The following CDH4 variants were observed in gnomAD, a reference collection of about 807,000 sequenced individuals.
CDH4 encodes the protein cadherin-4.
Under a neutral mutation model 86.0 loss-of-function variants are expected in CDH4, and 33 were observed. That is an observed-to-expected ratio of 0.38 (90% CI 0.29 to 0.51). The LOEUF (loss-of-function observed/expected upper bound fraction) is 0.51. Among genes scored for constraint, CDH4 ranks in the 20% least tolerant of loss-of-function variants. The pLI, the probability that CDH4 is intolerant of heterozygous loss-of-function variation, is 0.86. For synonymous variants in CDH4, 555 were observed against 549.4 expected, an observed-to-expected ratio of 1.01 and a Z score of -0.14; for missense variants, 1,114 against 1,307.4, an observed-to-expected ratio of 0.85 and a Z score of 2.28.
chr20:61,405,328 G>A, intron 2 of CDH4, among the ~76,000 whole-genome samples: 1 of 151,770 alleles, frequency 6.6e-6, no homozygotes, highest in East Asian at 1.9e-4. Context: ...CACGCTAGTA[G>A]ACATATATCC....
At chr20:61,596,156 G>A (rs1043738235) in intron 2 of CDH4, among the ~76,000 whole-genome samples, 10 of 152,168 alleles carry the variant, frequency 6.6e-5, no homozygotes, top group Non-Finnish European at 1.5e-4. Flanking sequence ...TTCAGTGCTG[G>A]GATAAAGTAT....
In CDH4 at chr20:61,653,678, G is replaced by A. The variant is rs1476334783; in HGVS notation, c.170-89885G>A. Among the ~76,000 whole-genome samples, 159 of 114,332 alleles carry A rather than the reference G, an allele frequency of 1.4e-3. 21 individuals carry two copies. Among genetic ancestry groups the A allele is most frequent in the African/African-American group, 3.8e-3 (133 of 34,620 alleles). The allele number at this position is 114,332 out of a possible 152,430, so 75.0% of individuals were successfully genotyped here. On this transcript the variant is annotated intron_variant, in intron 2 of 15. Coordinates refer to ENST00000614565, the MANE Select transcript of CDH4 (RefSeq NM_001794.5). ...TCCTCACTTCTCAGACAGGGCGGCC[G>A]GGCAGAGACGCTCCTCACCTCCCAG... is the stretch of plus-strand genomic sequence containing the variant.
chr20:61,482,595 C>G (rs1178455229), intron 2 of CDH4, among the ~76,000 whole-genome samples: 3 of 152,132 alleles, frequency 2.0e-5, no homozygotes, highest in Non-Finnish European at 4.4e-5. Flanking sequence ...TTTGCCCTTC[C>G]TCTCCTACCC....
intron 3 of CDH4, among the ~76,000 whole-genome samples, chr20:61,747,700 C>G (rs1312215212): frequency 6.6e-6 from 1 of 151,956 alleles, no homozygotes; most frequent in African/African-American, 2.4e-5. Context: ...CAAAATATAT[C>G]AAAAACATTC....
chr20:61,936,403 T>C (rs1305650565), intron 15 of CDH4, among the ~76,000 whole-genome samples: 4 of 512 alleles, frequency 7.8e-3, no homozygotes, highest in Admixed American at 0.042. Flanking sequence ...CCACACCCCC[T>C]CCCCCCTCTC....
At chr20:61,733,777 G>A (rs2088226773) in intron 2 of CDH4, among the ~76,000 whole-genome samples, 1 of 152,182 alleles carries the variant, frequency 6.6e-6, no homozygotes, top group Non-Finnish European at 1.5e-5. Flanking sequence ...GAACCTGAGG[G>A]TTTGAAACTC....
intron 2 of CDH4, among the ~76,000 whole-genome samples, chr20:61,698,101 C>T (rs939227998): frequency 1.3e-5 from 2 of 152,250 alleles, no homozygotes; most frequent in Non-Finnish European, 2.9e-5. Context: ...CCATTAGCCG[C>T]ACGTTGCTGG....
chr20:61,635,891 G>A (rs1329659366), intron 2 of CDH4, among the ~76,000 whole-genome samples: 1 of 152,158 alleles, frequency 6.6e-6, no homozygotes, highest in Non-Finnish European at 1.5e-5. Context: ...CACAGGCCTC[G>A]AAGCTTTGGA....
At chr20:61,522,941 G>T (rs1436120662) in intron 2 of CDH4, among the ~76,000 whole-genome samples, 1 of 152,210 alleles carries the variant, frequency 6.6e-6, no homozygotes, top group African/African-American at 2.4e-5. Context: ...CTGCCGACAC[G>T]CAGGTGCATC....
At chr20:61,707,305 C>T (rs554443495) in intron 2 of CDH4, among the ~76,000 whole-genome samples, 121 of 152,368 alleles carry the variant, frequency 7.9e-4, no homozygotes, top group Non-Finnish European at 1.4e-3. Flanking sequence ...CAAGGAAAGG[C>T]CCAACTCTGC....
At position 61,289,465 on chromosome 20, in the gene CDH4, G is replaced by A. The variant is rs192144962; in HGVS notation, c.169+34528G>A. 1.4e-3 allele frequency among the ~76,000 whole-genome samples: 211 copies of A among 152,340 alleles called. 1 individual carries two copies. The highest frequency in any genetic ancestry group is 1.0e-2 in the Admixed American group (153 of 15,306). On this transcript the variant is annotated intron_variant, in intron 2 of 15. Coordinates refer to ENST00000614565, the MANE Select transcript of CDH4 (RefSeq NM_001794.5). ...GCCACCAGCGCATGCCAACAGTAAG[G>A]GGTACGGGGTGTCGCCAGCCTGCAG...
At chr20:61,654,898 G>T (rs758496453) in intron 2 of CDH4, among the ~76,000 whole-genome samples, 1 of 62,136 alleles carries the variant, frequency 1.6e-5, no homozygotes, top group African/African-American at 4.1e-5. Flanking sequence ...ACCCAGCCCC[G>T]CTCTGGACAG....
At chr20:61,843,687 TAAAAAAA>T (rs67518472) in intron 4 of CDH4, among the ~76,000 whole-genome samples, 59,860 of 140,830 alleles carry the variant, frequency 0.43, 14,623 homozygotes, top group Non-Finnish European at 0.58. Flanking sequence ...GACCTGTCTC[TAAAAAAA>T]AAAAAAAAAA....
chr20:61,592,809 C>T (rs577169784), intron 2 of CDH4, among the ~76,000 whole-genome samples: 1 of 152,276 alleles, frequency 6.6e-6, no homozygotes, highest in East Asian at 1.9e-4. Context: ...GTTTTTATTG[C>T]AGAATCACTT....
intron 2 of CDH4, among the ~76,000 whole-genome samples, chr20:61,422,576 G>A (rs1026423231): frequency 1.2e-4 from 18 of 151,834 alleles, no homozygotes; most frequent in African/African-American, 3.9e-4. Context: ...AAGGGTGCAT[G>A]CCAGAAATTC....
intron 2 of CDH4, among the ~76,000 whole-genome samples, chr20:61,443,706 C>T (rs1239524573): frequency 6.6e-6 from 1 of 152,092 alleles, no homozygotes; most frequent in African/African-American, 2.4e-5. Context: ...CCGAAGGCTG[C>T]GACTCATATG....
intron 6 of CDH4, among the ~76,000 whole-genome samples, chr20:61,861,159 G>A (rs111241491): frequency 2.1e-4 from 32 of 152,308 alleles, no homozygotes; most frequent in African/African-American, 3.6e-4. Flanking sequence ...GGTCTCCACC[G>A]ACGATCCCTG....
chr20:61,316,654 G>A (rs995921730), intron 2 of CDH4, among the ~76,000 whole-genome samples: 8 of 152,220 alleles, frequency 5.3e-5, no homozygotes, highest in Admixed American at 5.2e-4. Flanking sequence ...ATGGGTGGAA[G>A]GTTTGATCAA....
At chr20:61,658,542 G>A (rs1332207403) in intron 2 of CDH4, among the ~76,000 whole-genome samples, 1 of 152,152 alleles carries the variant, frequency 6.6e-6, no homozygotes, top group Admixed American at 6.5e-5. Context: ...CAAAACTCAG[G>A]AGGCCGAGTA....
Sources: allele counts gnomAD v4.1 joint callset (sites outside exome capture counted in the v4.1 genomes callset), GRCh38; gene constraint gnomAD v4.1.1; transcripts MANE v1.5; gene names NCBI Gene and HGNC (gene_info 2026-07-23, HGNC 2026-07-21).